CFAP61: variants seen among roughly 807,000 people sequenced by gnomAD.
CFAP61 encodes the protein cilia- and flagella-associated protein 61.
Under a neutral mutation model 135.6 loss-of-function variants are expected in CFAP61, and 107 were observed. The ratio of observed to expected loss-of-function variants is 0.79; its 90% confidence interval spans 0.67 to 0.93. CFAP61 has a LOEUF of 0.93. Ranked by LOEUF, CFAP61 falls within the 40% of genes least tolerant of loss-of-function variation. CFAP61 has a pLI of 0.00. For synonymous variants in CFAP61, 575 were observed against 578.5 expected, an observed-to-expected ratio of 0.99 and a Z score of 0.09; for missense variants, 1,507 against 1,556.2, an observed-to-expected ratio of 0.97 and a Z score of 0.53.
intron 19 of CFAP61, among the ~76,000 whole-genome samples, chr20:20,247,127 G>A (rs2050514002): frequency 1.3e-5 from 2 of 152,156 alleles, no homozygotes; most frequent in South Asian, 2.1e-4. Flanking sequence ...TTGATCACGA[G>A]CAGTACACGA....
Position 20,169,396 on chromosome 20 carries a change from G to A in CFAP61, c.1321G>A (p.Val441Ile). 6.2e-7 allele frequency: 1 copy of A among 1,613,768 alleles called. No individual in the cohort carries two copies. Among genetic ancestry groups the A allele is most frequent in the Non-Finnish European group, 8.5e-7 (1 of 1,179,934 alleles). Residue 441 changes from valine (V) to isoleucine (I), a missense_variant, in exon 13 of 27, where the codon GTC becomes ATC. Transcript: ENST00000245957. ...FFLIQNFVKM[V>I]PFNTCTLEQD... ...CCTCATCCAGAACTTCGTGAAAATG[G>A]TCCCTTTCAACACCTGCACCCTCGA... is the stretch of plus-strand genomic sequence containing the variant.
chr20:20,273,502 G>A (rs1378321222), intron 21 of CFAP61, among the ~76,000 whole-genome samples: 1 of 152,198 alleles, frequency 6.6e-6, no homozygotes, highest in Non-Finnish European at 1.5e-5. Flanking sequence ...GCTACAGTGA[G>A]TCATTTTGTG....
intron 15 of CFAP61, among the ~76,000 whole-genome samples, chr20:20,191,710 A>T (rs923165390): frequency 6.6e-6 from 1 of 152,070 alleles, no homozygotes; most frequent in Non-Finnish European, 1.5e-5. Context: ...TCCATATATT[A>T]ATATGTTCTA....
rs552058670 is a variant in CFAP61, at chr20:20,056,504, A to G, written c.-36-114A>G. On this transcript the variant is annotated intron_variant, in intron 1 of 26. Transcript: ENST00000245957. Reference sequence around the variant, plus strand: ...TTGTCACAGACTACACCCAGGGGAAAACGTGTCACACCAGTATTCTCACAC... The same window carrying G: ...TTGTCACAGACTACACCCAGGGGAAGACGTGTCACACCAGTATTCTCACAC... The G allele has an allele frequency of 7.6e-4, 536 of 709,454 alleles. 1 individual carries two copies. The highest frequency in any genetic ancestry group is 1.1e-3 in the Non-Finnish European group (491 of 427,356). The allele number at this position is 709,454 out of a possible 1,614,324, so 43.9% of individuals were successfully genotyped here. A position where few individuals can be genotyped will look rare whatever the true frequency, so the allele number is the denominator to read the frequency against.
chr20:20,180,864 A>T (rs1232212622), intron 13 of CFAP61, among the ~76,000 whole-genome samples: 3 of 152,200 alleles, frequency 2.0e-5, no homozygotes, highest in Admixed American at 2.0e-4. Context: ...AGGAACATGG[A>T]TGGAGCTGGA....
intron 26 of CFAP61, among the ~76,000 whole-genome samples, chr20:20,356,982 A>G (rs1295518756): frequency 2.2e-5 from 1 of 46,186 alleles, no homozygotes; most frequent in African/African-American, 1.0e-4. Flanking sequence ...CACACTGGGG[A>G]GGTGGTCACA....
Position 20,161,796 on chromosome 20 carries a change from C to T in CFAP61, c.1027-2254C>T, listed in dbSNP as rs565596085. ...AGCCTGTGCTGCATGGGCGTTGTAA[C>T]GGTGAGGAATAGAGAACAGACAAGT... On this transcript the variant is annotated intron_variant, in intron 10 of 26. Coordinates refer to ENST00000245957, the MANE Select transcript of CFAP61 (RefSeq NM_015585.4). Among the ~76,000 whole-genome samples the T allele has an allele frequency of 6.8e-4, 104 of 152,270 alleles. 1 individual carries two copies. Among genetic ancestry groups the T allele is most frequent in the Admixed American group, 3.1e-3 (47 of 15,298 alleles).
rs2048904080 is a variant in CFAP61, at chr20:20,228,541, G to T, written c.2060+165G>T. The T allele has an allele frequency of 5.3e-6, 3 of 561,668 alleles. 1 individual carries two copies. The highest frequency in any genetic ancestry group is 6.7e-5 in the South Asian group (2 of 29,996). 34.8% of individuals were successfully genotyped at this position (561,668 alleles called of 1,614,324 possible). On this transcript the variant is annotated intron_variant, in intron 18 of 26. Transcript: ENST00000245957. The stretch of plus-strand genomic sequence containing the variant: ...AGTAGAAGAATATTCTAGATCAGGG[G>T]TTAGCAAACTATAGCCCTGAGGCCA...
intron 8 of CFAP61, among the ~76,000 whole-genome samples, chr20:20,129,340 A>G (rs1048500457): frequency 2.0e-5 from 3 of 151,806 alleles, no homozygotes; most frequent in African/African-American, 7.3e-5. Flanking sequence ...TGCTGGATAC[A>G]GTATTCTCCA....
intron 9 of CFAP61, among the ~76,000 whole-genome samples, chr20:20,148,162 G>A (rs1348352821): frequency 6.6e-6 from 1 of 152,134 alleles, no homozygotes; most frequent in Non-Finnish European, 1.5e-5. Flanking sequence ...TAACCTTGTA[G>A]TATAGTTTGA....
At chr20:20,062,528 A>G (rs1429011055) in intron 2 of CFAP61, among the ~76,000 whole-genome samples, 1 of 152,208 alleles carries the variant, frequency 6.6e-6, no homozygotes, top group Non-Finnish European at 1.5e-5. Context: ...ATATTAATGA[A>G]ACAGGAAACA....
intron 25 of CFAP61, among the ~76,000 whole-genome samples, chr20:20,337,542 GTGGA>G (rs2058266449): frequency 8.6e-6 from 1 of 116,734 alleles, no homozygotes; most frequent in African/African-American, 3.6e-5. Flanking sequence ...AGATGGGTGG[GTGGA>G]TGGATGGATG....
At chr20:20,226,132 C>T (rs6136965) in intron 17 of CFAP61, 8 of 152,234 alleles carry the variant, frequency 5.3e-5, no homozygotes, top group South Asian at 2.1e-4. Context: ...TCTTCCCAGC[C>T]TTCATCCCTC....
intron 9 of CFAP61, among the ~76,000 whole-genome samples, chr20:20,158,598 G>A (rs932428739): frequency 4.6e-5 from 7 of 152,192 alleles, no homozygotes; most frequent in Admixed American, 4.6e-4. Context: ...CAACAGCATG[G>A]ATGAATTTCA....
Position 20,288,679 on chromosome 20 carries a change from T to G in CFAP61, c.2867T>G (p.Val956Gly). Residue 956 changes from valine (V) to glycine (G), a missense_variant, in exon 23 of 27, where the codon GTG becomes GGG. Transcript: ENST00000245957. ...AAAGCCCTCAATGATGCATGTCTTGTGTATGACAGTCGACTTGTGATTGAT... is the reference window on the plus strand; with the variant it reads ...AAAGCCCTCAATGATGCATGTCTTGGGTATGACAGTCGACTTGTGATTGAT... ...TFKALNDACLVYDSRLVIDTN... is the reference protein window; with the variant it reads ...TFKALNDACLGYDSRLVIDTN... 1 of 1,614,144 alleles carries G rather than the reference T, an allele frequency of 6.2e-7. No homozygotes were observed. Among genetic ancestry groups the G allele is most frequent in the Non-Finnish European group, 8.5e-7 (1 of 1,179,974 alleles).
intron 22 of CFAP61, among the ~76,000 whole-genome samples, chr20:20,278,764 A>C (rs1169326993): frequency 6.6e-6 from 1 of 152,214 alleles, no homozygotes; most frequent in Non-Finnish European, 1.5e-5. Flanking sequence ...AAGACTAAAA[A>C]GGAAGATTTT....
In CFAP61 at chr20:20,264,407, T is replaced by C. The variant is rs115511972; in HGVS notation, c.2503+1277T>C. 4.4e-3 allele frequency among the ~76,000 whole-genome samples: 676 copies of C among 152,312 alleles called. 2 individuals are homozygous for C. Among genetic ancestry groups the C allele is most frequent in the African/African-American group, 0.015 (611 of 41,578 alleles). ...AACCTTTGGGTAGAGGTGGGATATA[T>C]AGATAGATTATACCGGCAACCCAGA... On this transcript the variant is annotated intron_variant, in intron 21 of 26. Transcript: ENST00000245957.
At chr20:20,296,641 G>A (rs2424332) in intron 24 of CFAP61, among the ~76,000 whole-genome samples, 83,013 of 151,744 alleles carry the variant, frequency 0.55, 22,841 homozygotes, top group Middle Eastern at 0.62. Flanking sequence ...AAAATTAGAA[G>A]CTGCAGATAG....
intron 25 of CFAP61, among the ~76,000 whole-genome samples, chr20:20,337,755 G>A (rs1468115449): frequency 6.6e-6 from 1 of 152,134 alleles, no homozygotes; most frequent in African/African-American, 2.4e-5. Flanking sequence ...ATGGAGCACA[G>A]GGGCTTTGGG....
Sources: allele counts gnomAD v4.1 joint callset (sites outside exome capture counted in the v4.1 genomes callset), GRCh38; gene constraint gnomAD v4.1.1; transcripts MANE v1.5; gene names NCBI Gene and HGNC (gene_info 2026-07-23, HGNC 2026-07-21).